ZNF536: variants seen among roughly 807,000 people sequenced by gnomAD.
ZNF536 encodes zinc finger protein 536.
ZNF536 carries 13 observed loss-of-function variants against 84.5 expected under a neutral mutation model. That is an observed-to-expected ratio of 0.15 (90% CI 0.10 to 0.24). The LOEUF is 0.24. ZNF536 is among the 10% of genes least tolerant of loss of function. The pLI, the probability that ZNF536 is intolerant of heterozygous loss-of-function variation, is 1.00. For synonymous variants in ZNF536, 811 were observed against 742.5 expected, an observed-to-expected ratio of 1.09 and a Z score of -1.50; for missense variants, 1,536 against 1,747.5, an observed-to-expected ratio of 0.88 and a Z score of 2.16.
At position 30,372,391 on chromosome 19, in the gene ZNF536, C is replaced by A. The variant is rs1177250201; in HGVS notation, c.-168C>A. 6.6e-6 allele frequency: 1 copy of A among 152,300 alleles called. No individual in the cohort carries two copies. Among genetic ancestry groups the A allele is most frequent in the African/African-American group, 2.4e-5 (1 of 41,464 alleles). 9.4% of individuals were successfully genotyped at this position (152,300 alleles called of 1,614,324 possible). The stretch of plus-strand genomic sequence containing the variant: ...GCCGGGACACGGCCCTGGGATTTTG[C>A]TGAGGCCAGCTTTGGAACAGGGGAG... On this transcript the variant is annotated 5_prime_UTR_variant, in exon 1 of 5. The change creates a new upstream start codon in the 5' untranslated region. Transcript: ENST00000355537.
At chr19:30,256,730 G>T (rs2024935169) in intron 1 of ZNF536, among the ~76,000 whole-genome samples, 1 of 152,128 alleles carries the variant, frequency 6.6e-6, no homozygotes, top group Admixed American at 6.5e-5. Context: ...TGCAGTTTGA[G>T]GTTCACTCTG....
intron 2 of ZNF536, among the ~76,000 whole-genome samples, chr19:30,295,255 T>C (rs2045960807): frequency 6.6e-6 from 1 of 151,902 alleles, no homozygotes; most frequent in Non-Finnish European, 1.5e-5. Context: ...CAGGGAGCTT[T>C]TAAGACCCGC....
chr19:30,407,739 C>CA (rs2050320799), intron 1 of ZNF536, among the ~76,000 whole-genome samples: 1 of 152,210 alleles, frequency 6.6e-6, no homozygotes, highest in South Asian at 2.1e-4. Context: ...ATTATGCTTG[C>CA]ATACCATTTT....
intron 2 of ZNF536, among the ~76,000 whole-genome samples, chr19:30,452,857 G>T (rs1319616463): frequency 6.6e-6 from 1 of 152,016 alleles, no homozygotes; most frequent in Non-Finnish European, 1.5e-5. Context: ...TCCTCTGTCG[G>T]CATCTGATGG....
chr19:30,332,408 T>C (rs1204108594), intron 2 of ZNF536, among the ~76,000 whole-genome samples: 5 of 152,066 alleles, frequency 3.3e-5, no homozygotes, highest in Non-Finnish European at 7.4e-5. Flanking sequence ...CACCCTTATG[T>C]ATGCACCCAG....
At chr19:30,631,337 G>C (rs1477510773) in intron 1 of ZNF536, among the ~76,000 whole-genome samples, 11 of 152,124 alleles carry the variant, frequency 7.2e-5, no homozygotes, top group Non-Finnish European at 5.9e-5. Context: ...ATGGAAATCC[G>C]ACTGCTGGCA....
At chr19:30,234,390 C>T (rs1200969868) in intron 1 of ZNF536, among the ~76,000 whole-genome samples, 1 of 139,952 alleles carries the variant, frequency 7.1e-6, no homozygotes, top group Non-Finnish European at 1.5e-5. Flanking sequence ...GACCACTAGG[C>T]TCCTTCCTTT....
chr19:30,470,118 G>T (rs1249795581), intron 2 of ZNF536, among the ~76,000 whole-genome samples: 1 of 152,198 alleles, frequency 6.6e-6, no homozygotes, highest in African/African-American at 2.4e-5. Flanking sequence ...AGGAGGCTGT[G>T]CGATTCCAGG....
At chr19:30,407,996 C>T (rs964733381) in intron 1 of ZNF536, among the ~76,000 whole-genome samples, 3 of 152,084 alleles carry the variant, frequency 2.0e-5, no homozygotes, top group Admixed American at 6.6e-5. Flanking sequence ...TGGGTTTTCT[C>T]TGATGTGATG....
intron 2 of ZNF536, among the ~76,000 whole-genome samples, chr19:30,313,685 C>T (rs1445768941): frequency 6.6e-6 from 1 of 152,204 alleles, no homozygotes; most frequent in African/African-American, 2.4e-5. Context: ...ACACTGCCCA[C>T]CCCGACTGTG....
upstream of ZNF536, among the ~76,000 whole-genome samples, chr19:30,225,853 C>G (rs1205082371): frequency 6.7e-6 from 1 of 148,198 alleles, no homozygotes. Context: ...GCCTGCCGCC[C>G]GGTTCCTTCT....
At chr19:30,240,070 T>C (rs372978559) in intron 1 of ZNF536, among the ~76,000 whole-genome samples, 18 of 152,236 alleles carry the variant, frequency 1.2e-4, no homozygotes, top group African/African-American at 4.3e-4. Flanking sequence ...ATTGGTTGTG[T>C]TGTAAGAATT....
intron 2 of ZNF536, among the ~76,000 whole-genome samples, chr19:30,332,581 T>C (rs76431196): frequency 0.022 from 3,379 of 152,234 alleles, 129 homozygotes; most frequent in African/African-American, 0.078. Context: ...CACCTCCCTA[T>C]ATAAAATCAG....
chr19:30,561,967 T>A (rs2046185183), downstream of ZNF536, among the ~76,000 whole-genome samples: 1 of 152,166 alleles, frequency 6.6e-6, no homozygotes, highest in African/African-American at 2.4e-5. Flanking sequence ...TGAGAACAGA[T>A]GTGCAGGTCA....
At chr19:30,280,979 G>A (rs2145630228) in intron 1 of ZNF536, among the ~76,000 whole-genome samples, 1 of 152,282 alleles carries the variant, frequency 6.6e-6, no homozygotes, top group East Asian at 1.9e-4. Flanking sequence ...GGTGGGTCCT[G>A]CCTTGCCTGT....
At chr19:30,673,109 CT>C (rs767122466) in intron 1 of ZNF536, among the ~76,000 whole-genome samples, 13 of 152,188 alleles carry the variant, frequency 8.5e-5, no homozygotes, top group South Asian at 2.1e-4. Flanking sequence ...TCCAGTGCCC[CT>C]GTCACATGAG....
chr19:30,479,504 C>T (rs149381087), intron 2 of ZNF536, among the ~76,000 whole-genome samples: 134 of 152,374 alleles, frequency 8.8e-4, no homozygotes, highest in African/African-American at 2.9e-3. Context: ...GTTTCGACTA[C>T]AGACCAGATG....
chr19:30,265,243 G>A (rs1162777036), intron 1 of ZNF536, among the ~76,000 whole-genome samples: 2 of 152,072 alleles, frequency 1.3e-5, no homozygotes, highest in Non-Finnish European at 2.9e-5. Flanking sequence ...TTTCCCAAAT[G>A]CTCGGGTGCA....
At position 30,297,910 on chromosome 19, in the gene ZNF536, C is replaced by G. The variant is rs865800252; in HGVS notation, c.-120+13769C>G. On this transcript the variant is annotated intron_variant, in intron 2 of 5. Transcript: ENST00000585628. ...TTTTTTCTCAAGACGGAGTCCCCCCCCCCTCTGTCGCCCAGGCTGGAGTGC... is the reference window on the plus strand; with the variant it reads ...TTTTTTCTCAAGACGGAGTCCCCCCGCCCTCTGTCGCCCAGGCTGGAGTGC... 2.7e-3 allele frequency among the ~76,000 whole-genome samples: 370 copies of G among 136,748 alleles called. 2 individuals carry two copies. The highest frequency in any genetic ancestry group is 0.011 in the South Asian group (44 of 4,178). 89.7% of individuals were successfully genotyped at this position (136,748 alleles called of 152,430 possible). A position where few individuals can be genotyped will look rare whatever the true frequency, so the allele number is the denominator to read the frequency against.
Sources: gnomAD v4.1 joint callset for allele counts (sites outside exome capture counted in the v4.1 genomes callset) on GRCh38, gnomAD v4.1.1 for gene constraint, MANE v1.5 for transcripts, NCBI Gene and HGNC (gene_info 2026-07-23, HGNC 2026-07-21) for gene names.